The following CDK13 variants were observed in gnomAD, a reference collection of about 807,000 sequenced individuals.
CDK13 encodes the protein cyclin-dependent kinase 13.
Under a neutral mutation model 137.6 loss-of-function variants are expected in CDK13, and 40 were observed. That is an observed-to-expected ratio of 0.29 (90% CI 0.23 to 0.38). CDK13 has a LOEUF of 0.38. CDK13 is among the 10% of genes least tolerant of loss of function. The pLI is 1.00. For missense variants in CDK13, 1,704 were observed against 1,951.8 expected (o/e 0.87, Z 2.39); for synonymous variants, 869 against 760.1 (o/e 1.14, Z -2.36).
rs191828635 is a variant in CDK13, at chr7:39,955,678, T to G, written c.1211+3826T>G. On this transcript the variant is annotated intron_variant, in intron 1 of 13. Transcript: ENST00000181839. The stretch of plus-strand genomic sequence containing the variant: ...TCTAAAGATTCTTTCAGCTTATTTG[T>G]GTTTATTTGTAGTTTTTATGAACAA... Among the ~76,000 whole-genome samples, 750 of 152,274 alleles carry G rather than the reference T, an allele frequency of 4.9e-3. 13 individuals are homozygous for G. Among genetic ancestry groups the G allele is most frequent in the Admixed American group, 0.023 (357 of 15,286 alleles).
chr7:40,002,901 CAAA>C (rs35726478), intron 5 of CDK13, among the ~76,000 whole-genome samples: 2 of 73,902 alleles, frequency 2.7e-5, no homozygotes, highest in Non-Finnish European at 3.6e-5. Context: ...CCCATCTCTA[CAAA>C]AAAAAAAAAA....
At chr7:40,022,902 A>G (rs755283184) in intron 5 of CDK13, among the ~76,000 whole-genome samples, 3 of 149,308 alleles carry the variant, frequency 2.0e-5, no homozygotes, top group Non-Finnish European at 4.5e-5. Flanking sequence ...TTTGAATTTC[A>G]TATGAATGTC....
intron 11 of CDK13, among the ~76,000 whole-genome samples, chr7:40,085,199 A>G (rs978786082): frequency 2.0e-5 from 3 of 152,046 alleles, no homozygotes; most frequent in Non-Finnish European, 4.4e-5. Context: ...CGTCTCTACT[A>G]AAAATACGAA....
chr7:40,024,021 C>G (rs1017648330), intron 5 of CDK13, among the ~76,000 whole-genome samples: 1 of 152,154 alleles, frequency 6.6e-6, no homozygotes, highest in Admixed American at 6.5e-5. Context: ...GAAAGTAACA[C>G]CAGCCAAGAA....
intron 1 of CDK13, among the ~76,000 whole-genome samples, chr7:39,958,946 G>GT (rs1419253794): frequency 6.6e-6 from 1 of 151,526 alleles, no homozygotes. Context: ...TCCATTATTG[G>GT]TTTTTTTTGT....
chr7:39,988,261 A>C lies in CDK13; in HGVS notation c.1871+3A>C. 3 of 1,582,144 alleles carry C rather than the reference A, an allele frequency of 1.9e-6. No individual in the cohort carries two copies. Among genetic ancestry groups the C allele is most frequent in the Non-Finnish European group, 2.6e-6 (3 of 1,169,434 alleles). On this transcript the variant is annotated splice_donor_region_variant and intron_variant, in intron 2 of 13. Transcript: ENST00000181839. ...CCTGAAGATAAAGAAGCTGATAGGT[A>C]AGTGCAAAAAGTATTTGTCAATAAC...
At chr7:39,953,789 TGA>T (rs1171854202) in intron 1 of CDK13, among the ~76,000 whole-genome samples, 1 of 152,196 alleles carries the variant, frequency 6.6e-6, no homozygotes, top group East Asian at 1.9e-4. Context: ...CTAACATTGC[TGA>T]CAGATGGCCA....
intron 5 of CDK13, among the ~76,000 whole-genome samples, chr7:40,017,241 C>A (rs773580372): frequency 6.6e-5 from 10 of 152,022 alleles, no homozygotes; most frequent in Non-Finnish European, 1.3e-4. Context: ...TTAGCGTCTT[C>A]CAACAGTGCT....
intron 10 of CDK13, 35 bp downstream of exon 10, chr7:40,078,156 G>C (rs781140147): frequency 2.0e-6 from 2 of 999,364 alleles, no homozygotes; most frequent in Non-Finnish European, 3.0e-6. Flanking sequence ...CTTATTGCAT[G>C]AATGTTTTAC....
chr7:39,962,461 T>C (rs1024795575), intron 1 of CDK13, among the ~76,000 whole-genome samples: 4 of 152,238 alleles, frequency 2.6e-5, no homozygotes, highest in Non-Finnish European at 5.9e-5. Flanking sequence ...TTCATATCCT[T>C]CGCCCACTTT....
At chr7:40,072,156 TG>T (rs781373478) in intron 9 of CDK13, 3 of 152,214 alleles carry the variant, frequency 2.0e-5, no homozygotes, top group Non-Finnish European at 2.9e-5. Context: ...TGAGAGAGTC[TG>T]GTTCTGTCAC....
intron 7 of CDK13, among the ~76,000 whole-genome samples, chr7:40,049,911 A>G (rs1451617295): frequency 6.6e-6 from 1 of 151,536 alleles, no homozygotes; most frequent in Non-Finnish European, 1.5e-5. Context: ...AAATGACAGG[A>G]TTTCCTTGTT....
intron 5 of CDK13, among the ~76,000 whole-genome samples, chr7:40,019,408 A>T (rs1331662801): frequency 6.6e-6 from 1 of 152,164 alleles, no homozygotes; most frequent in Non-Finnish European, 1.5e-5. Context: ...AGAGAGATTT[A>T]TATTAAGGAA....
chr7:40,021,639 G>T (rs1423233289), intron 5 of CDK13, among the ~76,000 whole-genome samples: 1 of 151,988 alleles, frequency 6.6e-6, no homozygotes, highest in African/African-American at 2.4e-5. Context: ...ATCTAAAAAA[G>T]TAGTGTTTTA....
At position 39,988,140 on chromosome 7, in the gene CDK13, A is replaced by G; in HGVS notation, c.1753A>G (p.Lys585Glu). Residue 585 changes from lysine (K) to glutamate (E), a missense_variant, in exon 2 of 14, where the codon AAA (lysine) becomes GAA (glutamate). This residue lies in a region of CDK13 where 1,051 missense variants were observed against 931.0 expected (regional missense o/e 1.13). Transcript: ENST00000181839. ...EESVSLKEKT[K>E]PLTPSIGAKE... ...ATCAGTATCTCTTAAAGAGAAAACCAAACCACTTACACCAAGCATAGGAGC... is the reference window on the plus strand; with the variant it reads ...ATCAGTATCTCTTAAAGAGAAAACCGAACCACTTACACCAAGCATAGGAGC... 1 of 1,614,172 alleles carries G rather than the reference A, an allele frequency of 6.2e-7. No homozygotes were observed. Among genetic ancestry groups the G allele is most frequent in the East Asian group, 2.2e-5 (1 of 44,882 alleles).
At chr7:39,954,178 C>T (rs1220946083) in intron 1 of CDK13, among the ~76,000 whole-genome samples, 1 of 151,986 alleles carries the variant, frequency 6.6e-6, no homozygotes, top group Non-Finnish European at 1.5e-5. Flanking sequence ...TCTGAGTCTT[C>T]TAGACTAAAA....
chr7:40,030,276 G>T (rs10230663), intron 5 of CDK13, among the ~76,000 whole-genome samples: 35,444 of 127,496 alleles, frequency 0.28, 4,778 homozygotes, highest in Middle Eastern at 0.4. Context: ...TATATATATA[G>T]AGAGAGAGAG....
Position 40,095,933 on chromosome 7 carries a change from C to T in CDK13, c.*953C>T, listed in dbSNP as rs769841734. On this transcript the variant is annotated 3_prime_UTR_variant, in exon 14 of 14. Coordinates refer to ENST00000181839, the MANE Select transcript of CDK13 (RefSeq NM_003718.5). ...AAAGGGAGTAGAACTGCAATCAGTA[C>T]ATATTGTTTGAGAAGTTCTACAAAG... 10 of 152,106 alleles carry T rather than the reference C, an allele frequency of 6.6e-5. No individual in the cohort carries two copies. Among genetic ancestry groups the T allele is most frequent in the Non-Finnish European group, 1.2e-4 (8 of 68,010 alleles). 9.4% of individuals were successfully genotyped at this position (152,106 alleles called of 1,614,324 possible).
intron 3 of CDK13, chr7:39,998,841 T>C (rs1457089078): frequency 2.0e-5 from 3 of 152,010 alleles, no homozygotes; most frequent in African/African-American, 7.2e-5. Flanking sequence ...TGTACTCTCT[T>C]AGACTGAAAA....
Sources: gnomAD v4.1 joint callset for allele counts (sites outside exome capture counted in the v4.1 genomes callset) on GRCh38, gnomAD v4.1.1 for gene constraint, gnomAD v4.1.1 regional missense constraint, MANE v1.5 for transcripts, NCBI Gene and HGNC (gene_info 2026-07-23, HGNC 2026-07-21) for gene names.